NMNAT3: variants seen among roughly 807,000 people sequenced by gnomAD.
NMNAT3 encodes nicotinamide nucleotide adenylyltransferase 3, also known as nicotinamide/nicotinic acid mononucleotide adenylyltransferase 3.
A neutral mutation model predicts 24.8 loss-of-function variants in NMNAT3; 21 were observed. The observed-to-expected ratio is 0.85, with a 90% CI of 0.60 to 1.22. The LOEUF is 1.22. Among genes scored for constraint, NMNAT3 ranks in the 50% most tolerant of loss-of-function variants. NMNAT3 has a pLI of 0.00. For synonymous variants in NMNAT3, 136 were observed against 155.2 expected, an observed-to-expected ratio of 0.88 and a Z score of 0.92; for missense variants, 387 against 436.6, an observed-to-expected ratio of 0.89 and a Z score of 1.01.
chr3:139,628,380 G>GT (rs2056148529), intron 2 of NMNAT3, among the ~76,000 whole-genome samples: 1 of 152,140 alleles, frequency 6.6e-6, no homozygotes, highest in Non-Finnish European at 1.5e-5. Context: ...TTTCTGAAAT[G>GT]TTTGAGAGTA....
chr3:139,661,388 G>C (rs76004710), intron 1 of NMNAT3, among the ~76,000 whole-genome samples: 5 of 152,174 alleles, frequency 3.3e-5, no homozygotes, highest in African/African-American at 4.8e-5. Context: ...AAAGTAGAGG[G>C]CTAGGTGTGG....
chr3:139,653,199 A>G (rs1035883461), intron 1 of NMNAT3, among the ~76,000 whole-genome samples: 3 of 152,170 alleles, frequency 2.0e-5, no homozygotes, highest in Admixed American at 1.3e-4. Context: ...TTTGGATTAA[A>G]TGGCTCCTAA....
intron 3 of NMNAT3, among the ~76,000 whole-genome samples, chr3:139,596,065 C>T (rs1226822852): frequency 1.3e-5 from 2 of 152,156 alleles, no homozygotes; most frequent in Non-Finnish European, 2.9e-5. Context: ...AGCCACTTGC[C>T]CTGAATCTGC....
intron 5 of NMNAT3, among the ~76,000 whole-genome samples, chr3:139,576,970 T>C (rs554105133): frequency 8.5e-4 from 129 of 152,104 alleles, no homozygotes; most frequent in Middle Eastern, 6.8e-3. Context: ...GGCAGGAGAA[T>C]TGCTTGAACC....
intron 4 of NMNAT3, chr3:139,582,894 A>G: frequency 7.7e-7 from 1 of 1,304,664 alleles, no homozygotes; most frequent in Non-Finnish European, 1.0e-6. Flanking sequence ...TGGAGGGAGG[A>G]GCAGTCCAAA....
rs1318957712 is a variant in NMNAT3, at chr3:139,561,047, C to A, written c.1004G>T (p.Gly335Val). 1 of 1,613,738 alleles carries A rather than the reference C, an allele frequency of 6.2e-7. No homozygotes were observed. Among genetic ancestry groups the A allele is most frequent in the Non-Finnish European group, 8.5e-7 (1 of 1,179,930 alleles). Residue 335 changes from glycine to valine, a missense_variant, in exon 7 of 7, where the codon GGC (glycine) becomes GTC (valine). By Grantham distance (109) the Gly-to-Val change is moderately radical. Transcript: ENST00000643695. ...GCCCTCAGTGCTCTGGGTGCTTTTG[C>A]CTTTCCAGGTACTGCCCTTGGTGTA...
chr3:139,644,650 C>T (rs903439847), intron 1 of NMNAT3, among the ~76,000 whole-genome samples: 1 of 151,842 alleles, frequency 6.6e-6, no homozygotes, highest in Non-Finnish European at 1.5e-5. Context: ...TAACATGGTC[C>T]AAAAATAATG....
At chr3:139,660,129 T>C (rs1311124090) in intron 1 of NMNAT3, among the ~76,000 whole-genome samples, 4 of 152,194 alleles carry the variant, frequency 2.6e-5, no homozygotes, top group Non-Finnish European at 5.9e-5. Flanking sequence ...TAGGTCTGCC[T>C]GGTCCAGCTC....
At chr3:139,583,707 CATTT>C in intron 3 of NMNAT3, 1 of 642,892 alleles carries the variant, frequency 1.6e-6, no homozygotes, top group Non-Finnish European at 2.8e-6. Flanking sequence ...TTCTTCACTT[CATTT>C]GAGAAATATA....
intron 3 of NMNAT3, among the ~76,000 whole-genome samples, chr3:139,618,110 A>G (rs2055592348): frequency 6.6e-6 from 1 of 152,164 alleles, no homozygotes; most frequent in Admixed American, 6.5e-5. Context: ...AAAGAACCAC[A>G]CTGTAAAGTA....
intron 1 of NMNAT3, among the ~76,000 whole-genome samples, chr3:139,654,522 T>C (rs1012128936): frequency 1.1e-4 from 16 of 152,212 alleles, no homozygotes; most frequent in African/African-American, 3.4e-4. Flanking sequence ...AAAAATAAGA[T>C]GCAAAGCAGC....
intron 3 of NMNAT3, among the ~76,000 whole-genome samples, chr3:139,592,923 A>G (rs2054267052): frequency 6.6e-6 from 1 of 152,212 alleles, no homozygotes; most frequent in Admixed American, 6.5e-5. Flanking sequence ...AACGAGCAAA[A>G]TAACCAGCTA....
intron 1 of NMNAT3, among the ~76,000 whole-genome samples, chr3:139,658,419 A>G (rs1160883861): frequency 6.6e-6 from 1 of 152,142 alleles, no homozygotes; most frequent in Non-Finnish European, 1.5e-5. Flanking sequence ...GTGAGGAGCC[A>G]TCCCCTATCA....
At chr3:139,648,372 G>A (rs1303229096) in intron 1 of NMNAT3, among the ~76,000 whole-genome samples, 1 of 152,194 alleles carries the variant, frequency 6.6e-6, no homozygotes, top group African/African-American at 2.4e-5. Flanking sequence ...CTTTATAGCA[G>A]TGTGAAAATG....
intron 6 of NMNAT3, chr3:139,565,933 G>T (rs943934738): frequency 1.3e-5 from 2 of 152,106 alleles, no homozygotes; most frequent in African/African-American, 4.8e-5. Flanking sequence ...CTGAGGAATC[G>T]CCACACTGAA....
chr3:139,614,708 C>T (rs1001924119), intron 3 of NMNAT3, among the ~76,000 whole-genome samples: 1 of 152,202 alleles, frequency 6.6e-6, no homozygotes, highest in African/African-American at 2.4e-5. Context: ...GTCATTATGT[C>T]CCATATTGGT....
intron 6 of NMNAT3, among the ~76,000 whole-genome samples, chr3:139,563,017 A>G (rs183138998): frequency 6.6e-6 from 1 of 152,318 alleles, no homozygotes; most frequent in Admixed American, 6.5e-5. Context: ...CAACTTTAAA[A>G]TGAGGATATT....
chr3:139,623,015 G>A (rs1055849876), intron 3 of NMNAT3, among the ~76,000 whole-genome samples: 7 of 150,678 alleles, frequency 4.6e-5, no homozygotes, highest in East Asian at 3.9e-4. Context: ...TTTAAACTAC[G>A]CTAAATTTTT....
chr3:139,624,202 CTCT>C (rs936664235), intron 3 of NMNAT3, among the ~76,000 whole-genome samples: 3 of 151,950 alleles, frequency 2.0e-5, no homozygotes, highest in African/African-American at 7.3e-5. Flanking sequence ...TGCTATAAAA[CTCT>C]TCTTAAGTAC....
Sources: allele counts gnomAD v4.1 joint callset (sites outside exome capture counted in the v4.1 genomes callset), GRCh38; gene constraint gnomAD v4.1.1; transcripts MANE v1.5; gene names NCBI Gene and HGNC (gene_info 2026-07-23, HGNC 2026-07-21).